VPS41: variants seen among roughly 807,000 people sequenced by gnomAD.
VPS41 encodes VPS41 subunit of HOPS complex, also known as vacuolar protein sorting-associated protein 41 homolog.
VPS41 carries 85 observed loss-of-function variants against 130.9 expected under a neutral mutation model. That is an observed-to-expected ratio of 0.65 (90% CI 0.55 to 0.78). VPS41 has a LOEUF of 0.78. Ranked by LOEUF, VPS41 falls within the 30% of genes least tolerant of loss-of-function variation. The pLI, the probability that VPS41 is intolerant of heterozygous loss-of-function variation, is 0.00. For synonymous variants in VPS41, 335 were observed against 332.9 expected, an observed-to-expected ratio of 1.01 and a Z score of -0.07; for missense variants, 874 against 1,018.7, an observed-to-expected ratio of 0.86 and a Z score of 1.93.
At chr7:38,805,221 A>G (rs1024356240) in intron 7 of VPS41, among the ~76,000 whole-genome samples, 27 of 152,318 alleles carry the variant, frequency 1.8e-4, no homozygotes, top group African/African-American at 6.3e-4. Flanking sequence ...TATGTATTTG[A>G]ACAAGCCCTT....
At chr7:38,732,904 T>G (rs887429960) in intron 25 of VPS41, among the ~76,000 whole-genome samples, 3 of 152,222 alleles carry the variant, frequency 2.0e-5, no homozygotes, top group African/African-American at 7.2e-5. Flanking sequence ...CAGAACTCAC[T>G]GCAGCCTTGA....
intron 4 of VPS41, among the ~76,000 whole-genome samples, chr7:38,835,271 AT>A (rs1470040878): frequency 6.6e-6 from 1 of 151,504 alleles, no homozygotes; most frequent in Admixed American, 6.6e-5. Context: ...TTATTCCTTA[AT>A]TTTTTCCCTT....
At chr7:38,881,016 A>C (rs1468716312) in intron 2 of VPS41, among the ~76,000 whole-genome samples, 2 of 152,252 alleles carry the variant, frequency 1.3e-5, no homozygotes, top group African/African-American at 4.8e-5. Flanking sequence ...AAAAGTGTTA[A>C]GGAGACAAGG....
chr7:38,728,505 T>C (rs960370845), intron 27 of VPS41, 37 bp downstream of exon 27: 5 of 1,613,042 alleles, frequency 3.1e-6, no homozygotes, highest in African/African-American at 2.7e-5. Flanking sequence ...ATCATTAAAA[T>C]ACATGTTTGG....
chr7:38,901,915 T>C (rs1054586902), intron 1 of VPS41, among the ~76,000 whole-genome samples: 5 of 152,176 alleles, frequency 3.3e-5, no homozygotes, highest in African/African-American at 7.2e-5. Flanking sequence ...ATGGTAATTT[T>C]ATGCTATGTG....
chr7:38,803,444 T>C (rs1339381374), intron 7 of VPS41, among the ~76,000 whole-genome samples: 1 of 152,200 alleles, frequency 6.6e-6, no homozygotes, highest in Non-Finnish European at 1.5e-5. Flanking sequence ...TTAGATACCA[T>C]GTGTGTTCCC....
intron 11 of VPS41, among the ~76,000 whole-genome samples, chr7:38,774,567 C>T (rs1173969593): frequency 6.6e-6 from 1 of 151,644 alleles, no homozygotes; most frequent in Non-Finnish European, 1.5e-5. Context: ...ATGGAGAAAA[C>T]TGAAATATAT....
At position 38,803,515 on chromosome 7, in the gene VPS41, G is replaced by A. The variant is rs149654140; in HGVS notation, c.451-6651C>T. Among the ~76,000 whole-genome samples the A allele has an allele frequency of 1.2e-4, 19 of 152,298 alleles. No homozygotes were observed. In the East Asian group the frequency reaches 3.3e-3, roughly 26 times the overall value. On this transcript the variant is annotated intron_variant, in intron 7 of 28. Coordinates refer to ENST00000310301, the MANE Select transcript of VPS41 (RefSeq NM_014396.4). ...TTTCACAAAGGAGGACCTGTGCTAC[G>A]TCAGGAAGGTGCAGAAGATCCAGGT...
At chr7:38,736,004 C>T (rs745342253) in intron 25 of VPS41, among the ~76,000 whole-genome samples, 1 of 151,992 alleles carries the variant, frequency 6.6e-6, no homozygotes, top group Non-Finnish European at 1.5e-5. Context: ...AAAGAAAAAA[C>T]CGTGAAAAAT....
chr7:38,842,262 A>G (rs1785623393), intron 4 of VPS41, among the ~76,000 whole-genome samples: 2 of 152,114 alleles, frequency 1.3e-5, no homozygotes, highest in Admixed American at 1.3e-4. Flanking sequence ...GCTGTAGCAA[A>G]TGATCTCTTA....
At chr7:38,731,960 T>C (rs999427932) in intron 25 of VPS41, among the ~76,000 whole-genome samples, 4 of 152,158 alleles carry the variant, frequency 2.6e-5, no homozygotes, top group Non-Finnish European at 4.4e-5. Flanking sequence ...CAACTCCAAC[T>C]TCATTTAGTG....
At position 38,748,888 on chromosome 7, in the gene VPS41, C is replaced by T. The variant is rs1796039289; in HGVS notation, c.1927-3275G>A. On this transcript the variant is annotated intron_variant, in intron 22 of 28. Transcript: ENST00000310301. The stretch of plus-strand genomic sequence containing the variant: ...CTCTAGACTTTAGGCTTTTTTCCAG[C>T]TCCCTAAGACTTGGCTTGTCATGTA... Among the ~76,000 whole-genome samples, 3 of 151,956 alleles carry T rather than the reference C, an allele frequency of 2.0e-5. No homozygotes were observed. The South Asian group carries it at 6.2e-4, about 32-fold the overall frequency.
chr7:38,807,465 T>C (rs1784862887), intron 7 of VPS41, among the ~76,000 whole-genome samples: 1 of 152,198 alleles, frequency 6.6e-6, no homozygotes, highest in South Asian at 2.1e-4. Context: ...ATTTACCCCA[T>C]AGTGTTGTAT....
intron 15 of VPS41, 42 bp from the exon 16 acceptor site, chr7:38,765,703 A>C: frequency 7.7e-7 from 1 of 1,295,896 alleles, no homozygotes; most frequent in African/African-American, 1.5e-5. Context: ...AGTATATATT[A>C]AAAAAACAAA....
rs116146380 is a variant in VPS41, at chr7:38,854,468, T to C, written c.246+8077A>G. Among the ~76,000 whole-genome samples, 1,522 of 152,258 alleles carry C rather than the reference T, an allele frequency of 1.0e-2. 29 individuals are homozygous for C. The highest frequency in any genetic ancestry group is 0.034 in the African/African-American group (1,415 of 41,532). On this transcript the variant is annotated intron_variant, in intron 4 of 28. Coordinates refer to ENST00000310301, the MANE Select transcript of VPS41 (RefSeq NM_014396.4). ...TCACCCAACATCACACTGGCCACATTATGAATAAGCCCAAAAGAGTTAGGC... is the reference window on the plus strand; with the variant it reads ...TCACCCAACATCACACTGGCCACATCATGAATAAGCCCAAAAGAGTTAGGC...
intron 1 of VPS41, among the ~76,000 whole-genome samples, chr7:38,905,633 C>T (rs1193182810): frequency 6.6e-6 from 1 of 152,128 alleles, no homozygotes; most frequent in Admixed American, 6.5e-5. Context: ...ACCAAAGAAA[C>T]AACACTCACG....
chr7:38,850,439 AATATAT>A (rs775871858), intron 4 of VPS41, among the ~76,000 whole-genome samples: 3 of 152,156 alleles, frequency 2.0e-5, no homozygotes, highest in Non-Finnish European at 4.4e-5. Context: ...TTTTAACAAA[AATATAT>A]ATACTCTTAA....
intron 10 of VPS41, among the ~76,000 whole-genome samples, chr7:38,783,127 C>CAA (rs113105833): frequency 2.7e-5 from 4 of 146,828 alleles, no homozygotes. Context: ...GACTCTGCCT[C>CAA]AAAAAAAAAG....
chr7:38,895,113 G>A (rs740396), intron 2 of VPS41, among the ~76,000 whole-genome samples: 1,555 of 152,294 alleles, frequency 0.01, 6 homozygotes, highest in Non-Finnish European at 0.014. Context: ...CTTGAGGCCA[G>A]GAGTTTGACA....
Sources: gnomAD v4.1 joint callset for allele counts (sites outside exome capture counted in the v4.1 genomes callset) on GRCh38, gnomAD v4.1.1 for gene constraint, MANE v1.5 for transcripts, NCBI Gene and HGNC (gene_info 2026-07-23, HGNC 2026-07-21) for gene names.